PTPRT: variants seen among roughly 807,000 people sequenced by gnomAD.
PTPRT encodes receptor-type tyrosine-protein phosphatase T.
A neutral mutation model predicts 176.8 loss-of-function variants in PTPRT; 56 were observed. That is an observed-to-expected ratio of 0.32 (90% CI 0.26 to 0.40). The LOEUF (loss-of-function observed/expected upper bound fraction) is 0.40. PTPRT is among the 10% of genes least tolerant of loss of function. The probability of loss-of-function intolerance (pLI) is 1.00; values close to 1 mark genes in which losing one functional copy is unlikely to be tolerated. For synonymous variants in PTPRT, 783 were observed against 739.0 expected (o/e 1.06, Z -0.96); for missense variants, 1,540 against 1,908.2 (o/e 0.81, Z 3.60).
At chr20:43,034,656 C>G (rs76553669) in intron 1 of PTPRT, among the ~76,000 whole-genome samples, 3,816 of 146,236 alleles carry the variant, frequency 0.026, 175 homozygotes, top group African/African-American at 0.09. Context: ...ATAAAAACAG[C>G]AAAAACTGCA....
intron 15 of PTPRT, among the ~76,000 whole-genome samples, chr20:42,210,720 C>G (rs1408514424): frequency 6.6e-6 from 1 of 151,988 alleles, no homozygotes; most frequent in Non-Finnish European, 1.5e-5. Context: ...GCCATACTGC[C>G]CAAGGTAATT....
At chr20:42,300,371 G>A (rs528238711) in intron 12 of PTPRT, among the ~76,000 whole-genome samples, 2 of 151,584 alleles carry the variant, frequency 1.3e-5, no homozygotes, top group Admixed American at 1.3e-4. Flanking sequence ...ATTCCCACTC[G>A]TTCCCAGGTC....
chr20:42,634,360 C>G (rs1266819697), intron 7 of PTPRT, among the ~76,000 whole-genome samples: 1 of 150,056 alleles, frequency 6.7e-6, no homozygotes, highest in African/African-American at 2.5e-5. Context: ...GTCACAGAGG[C>G]CTTGAAAGCT....
In PTPRT at chr20:42,472,513, C is replaced by T. The variant is rs780181225; in HGVS notation, c.1203G>A (p.Arg401=). ...AGGGCTCCCACTGCAGGGTCAGCTG[C>T]CGGGCTCTGATGTCTACGATTTCCA... is the stretch of plus-strand genomic sequence containing the variant. The part of the protein sequence containing the change: ...QNVEIVDIRA[R]QLTLQWEPFG... The change falls in exon 8 of 31, where the codon CGG becomes CGA. Residue 401 remains arginine (R), a synonymous_variant. Transcript: ENST00000373187. 2.5e-6 allele frequency: 4 copies of T among 1,614,210 alleles called. No homozygotes were observed. The Admixed American group carries it at 5.0e-5, about 20-fold the overall frequency.
the PTPRT span, among the ~76,000 whole-genome samples, chr20:42,050,352 AC>A: frequency 6.6e-6 from 1 of 152,098 alleles, no homozygotes; most frequent in Non-Finnish European, 1.5e-5. Flanking sequence ...TTACAGAGAT[AC>A]CCCCATTTTC....
intron 1 of PTPRT, among the ~76,000 whole-genome samples, chr20:42,977,225 T>C (rs1983006466): frequency 6.6e-6 from 1 of 152,226 alleles, no homozygotes; most frequent in East Asian, 1.9e-4. Flanking sequence ...TACCACATTC[T>C]TTCCTATGTT....
chr20:42,355,911 G>A (rs898577007), intron 9 of PTPRT, among the ~76,000 whole-genome samples: 10 of 151,988 alleles, frequency 6.6e-5, no homozygotes, highest in Admixed American at 6.6e-5. Flanking sequence ...AATATACCGC[G>A]CTCTTCTGCT....
chr20:42,321,158 T>C (rs2057794067), intron 11 of PTPRT, among the ~76,000 whole-genome samples: 1 of 152,200 alleles, frequency 6.6e-6, no homozygotes, highest in Non-Finnish European at 1.5e-5. Context: ...CCAATCATAG[T>C]GGCTTCTCCA....
chr20:42,373,785 A>G (rs2058617886), intron 9 of PTPRT, among the ~76,000 whole-genome samples: 2 of 152,188 alleles, frequency 1.3e-5, no homozygotes, highest in African/African-American at 4.8e-5. Context: ...TCACATGCAC[A>G]CTGTTTGAGT....
At chr20:42,861,682 T>TAAAAC (rs534140121) in intron 2 of PTPRT, among the ~76,000 whole-genome samples, 61 of 151,520 alleles carry the variant, frequency 4.0e-4, no homozygotes, top group East Asian at 1.6e-3. Context: ...AGTGTCTGGA[T>TAAAAC]AAAACAAAAC....
chr20:43,161,703 T>C (rs969584629), intron 1 of PTPRT, among the ~76,000 whole-genome samples: 1 of 152,148 alleles, frequency 6.6e-6, no homozygotes, highest in African/African-American at 2.4e-5. Flanking sequence ...TGATTTTTTT[T>C]TAAAAGCACC....
intron 17 of PTPRT, among the ~76,000 whole-genome samples, chr20:42,143,835 C>A (rs1425473981): frequency 6.6e-6 from 1 of 152,176 alleles, no homozygotes; most frequent in African/African-American, 2.4e-5. Context: ...GAGCAGGTTA[C>A]CACTGTGGGC....
intron 1 of PTPRT, among the ~76,000 whole-genome samples, chr20:42,958,373 GAAGAAAGC>G (rs1447142557): frequency 7.4e-5 from 9 of 120,866 alleles, no homozygotes; most frequent in East Asian, 2.7e-4. Flanking sequence ...GGGAGGGGAA[GAAGAAAGC>G]AAGGGAGGAA....
chr20:43,017,008 C>T (rs79829716), intron 1 of PTPRT, among the ~76,000 whole-genome samples: 5,059 of 152,028 alleles, frequency 0.033, 284 homozygotes, highest in African/African-American at 0.12. Flanking sequence ...TAAGGAGGTG[C>T]CAAAACACTC....
intron 1 of PTPRT, among the ~76,000 whole-genome samples, chr20:42,926,608 G>T (rs536818644): frequency 6.6e-6 from 1 of 152,270 alleles, no homozygotes; most frequent in South Asian, 2.1e-4. Flanking sequence ...AGCAGAGAAT[G>T]CATAGAGTGC....
At chr20:42,907,555 C>T (rs766692797) in intron 1 of PTPRT, among the ~76,000 whole-genome samples, 1 of 152,014 alleles carries the variant, frequency 6.6e-6, no homozygotes, top group African/African-American at 2.4e-5. Flanking sequence ...CTACACAACT[C>T]GTTCTTAACA....
chr20:42,088,571 C>G (rs1051782067), intron 27 of PTPRT, among the ~76,000 whole-genome samples: 1 of 152,218 alleles, frequency 6.6e-6, no homozygotes, highest in African/African-American at 2.4e-5. Flanking sequence ...TAGGAATATT[C>G]ACCTTATAGC....
intron 15 of PTPRT, among the ~76,000 whole-genome samples, chr20:42,219,364 C>T (rs1335582377): frequency 1.3e-5 from 2 of 152,132 alleles, no homozygotes; most frequent in African/African-American, 4.8e-5. Flanking sequence ...GCTTATAACG[C>T]CATGTGGGCT....
chr20:42,514,424 T>A (rs1164732853), intron 7 of PTPRT, among the ~76,000 whole-genome samples: 1 of 149,622 alleles, frequency 6.7e-6, no homozygotes, highest in African/African-American at 2.4e-5. Context: ...ATTTTCTTTG[T>A]TCACGCTTTT....
Sources: gnomAD v4.1 joint callset for allele counts (sites outside exome capture counted in the v4.1 genomes callset) on GRCh38, gnomAD v4.1.1 for gene constraint, MANE v1.5 for transcripts, NCBI Gene and HGNC (gene_info 2026-07-23, HGNC 2026-07-21) for gene names.